ERP29: variants seen among roughly 807,000 people sequenced by gnomAD.
ERP29 encodes the protein endoplasmic reticulum resident protein 29.
Under a neutral mutation model 21.7 loss-of-function variants are expected in ERP29, and 14 were observed. The observed-to-expected ratio is 0.64, with a 90% CI of 0.43 to 1.01. ERP29 has a LOEUF of 1.01. Ranked by LOEUF, ERP29 falls within the 50% of genes least tolerant of loss-of-function variation. ERP29 has a pLI of 0.00. For missense variants in ERP29, 286 were observed against 327.3 expected (o/e 0.87, Z 0.97); for synonymous variants, 129 against 139.1 (o/e 0.93, Z 0.51).
Position 112,013,472 on chromosome 12 carries a change from G to A in ERP29, c.7G>A (p.Ala3Thr). 1.9e-6 allele frequency: 3 copies of A among 1,611,550 alleles called. No individual in the cohort carries two copies. The highest frequency in any genetic ancestry group is 2.5e-6 in the Non-Finnish European group (3 of 1,178,752). Residue 3 changes from alanine to threonine, a missense_variant, in exon 1 of 3, where the codon GCC (alanine) becomes ACC (threonine). Coordinates refer to ENST00000261735, the MANE Select transcript of ERP29 (RefSeq NM_006817.4). MAAAVPRAAFLSP... is the reference protein window; with the variant it reads MATAVPRAAFLSP... ...TCTGCAGGAACCCGGCGATATGGCTGCCGCTGTGCCCCGCGCCGCATTTCT... is the reference window on the plus strand; with the variant it reads ...TCTGCAGGAACCCGGCGATATGGCTACCGCTGTGCCCCGCGCCGCATTTCT...
At chr12:112,015,514 T>C (rs2078006336) in intron 1 of ERP29, among the ~76,000 whole-genome samples, 3 of 149,894 alleles carry the variant, frequency 2.0e-5, no homozygotes, top group Admixed American at 1.3e-4. Context: ...GGTGTAGGTG[T>C]GGCTGATTGG....
At chr12:112,017,756 T>A (rs1260696769) in intron 1 of ERP29, among the ~76,000 whole-genome samples, 1 of 151,348 alleles carries the variant, frequency 6.6e-6, no homozygotes, top group Non-Finnish European at 1.5e-5. Context: ...GGACAAAGAC[T>A]AACAAGAACA....
At chr12:112,016,393 T>A (rs141036803) in intron 1 of ERP29, among the ~76,000 whole-genome samples, 51 of 152,350 alleles carry the variant, frequency 3.3e-4, no homozygotes, top group African/African-American at 1.2e-3. Context: ...GAATGTTAGT[T>A]TCATGAGCTA....
At chr12:112,013,802 A>G (rs2077965792) in intron 1 of ERP29, among the ~76,000 whole-genome samples, 193 bp downstream of exon 1, 1 of 152,238 alleles carries the variant, frequency 6.6e-6, no homozygotes, top group Non-Finnish European at 1.5e-5. Flanking sequence ...TGCACGCTTC[A>G]GGGCCCCGGC....
At chr12:112,022,115 T>C (rs762433272) in intron 2 of ERP29, 35 bp from the exon 3 acceptor site, 2 of 1,609,590 alleles carry the variant, frequency 1.2e-6, no homozygotes, top group Non-Finnish European at 8.5e-7. Flanking sequence ...GAGTTCCTTA[T>C]GGTCTTGCTT....
rs774120135 is a variant in ERP29 at position 112,019,914 on chromosome 12, G to A, written c.283+20G>A. ...TCTCAGGTATGGACAAGTCCAGGAC[G>A]GCTGGGGGGGCAGAGAGGGAGGAAG... On this transcript the variant is annotated intron_variant, in intron 2 of 2. Transcript: ENST00000261735. 111 of 1,613,196 alleles carry A rather than the reference G, an allele frequency of 6.9e-5. No homozygotes were observed. The highest frequency in any genetic ancestry group is 8.7e-5 in the Non-Finnish European group (103 of 1,179,330).
intron 1 of ERP29, among the ~76,000 whole-genome samples, chr12:112,018,013 G>GTGATCCTTC: frequency 6.6e-6 from 1 of 151,762 alleles, no homozygotes; most frequent in East Asian, 1.9e-4. Flanking sequence ...TTCAACTCCT[G>GTGATCCTTC]ACCTCAGGTG....
At chr12:112,017,220 T>A (rs1191749416) in intron 1 of ERP29, among the ~76,000 whole-genome samples, 2 of 152,178 alleles carry the variant, frequency 1.3e-5, no homozygotes, top group Non-Finnish European at 2.9e-5. Context: ...CCAGGCACTG[T>A]TGAGCACTAG....
At chr12:112,019,540 G>T in intron 1 of ERP29, 1 of 596,950 alleles carries the variant, frequency 1.7e-6, no homozygotes, top group Non-Finnish European at 3.0e-6. Context: ...TCTTTGATTA[G>T]TGTGAACAGG....
chr12:112,018,278 T>C (rs1436726540), intron 1 of ERP29, among the ~76,000 whole-genome samples: 1 of 152,058 alleles, frequency 6.6e-6, no homozygotes, highest in African/African-American at 2.4e-5. Flanking sequence ...CTGAGTAGTT[T>C]AGCTGGGAAT....
At chr12:112,021,148 A>G (rs1162280455) in intron 2 of ERP29, among the ~76,000 whole-genome samples, 1 of 152,198 alleles carries the variant, frequency 6.6e-6, no homozygotes, top group Non-Finnish European at 1.5e-5. Context: ...GGTCCTCCCA[A>G]CAGCCCCCAT....
chr12:112,016,448 C>T (rs2078013044), intron 1 of ERP29, among the ~76,000 whole-genome samples: 1 of 152,178 alleles, frequency 6.6e-6, no homozygotes, highest in South Asian at 2.1e-4. Flanking sequence ...AGTATGGTGC[C>T]TGGCAGGCCT....
chr12:112,015,282 G>A (rs1282099049), intron 1 of ERP29: 1 of 151,240 alleles, frequency 6.6e-6, no homozygotes, highest in East Asian at 1.9e-4. Flanking sequence ...GAGGTCAGGA[G>A]TTGGAGACCA....
Position 112,022,936 on chromosome 12 carries a change from C to A in ERP29, c.*284C>A. Reference sequence around the variant, plus strand: ...GGAGAGAGGAGTGTACTGCCCAGGTCTTTGACAGATGTAATTCTCATTCAA... The same window carrying A: ...GGAGAGAGGAGTGTACTGCCCAGGTATTTGACAGATGTAATTCTCATTCAA... On this transcript the variant is annotated 3_prime_UTR_variant, in exon 3 of 3. Coordinates refer to ENST00000261735, the MANE Select transcript of ERP29 (RefSeq NM_006817.4). The A allele has an allele frequency of 2.9e-6, 1 of 343,000 alleles. No homozygotes were observed. The highest frequency in any genetic ancestry group is 5.3e-6 in the Non-Finnish European group (1 of 187,430). 21.2% of individuals were successfully genotyped at this position (343,000 alleles called of 1,614,324 possible). A position where few individuals can be genotyped will look rare whatever the true frequency, so the allele number is the denominator to read the frequency against.
At chr12:112,021,628 A>T (rs1422138531) in intron 2 of ERP29, among the ~76,000 whole-genome samples, 1 of 142,162 alleles carries the variant, frequency 7.0e-6, no homozygotes, top group Non-Finnish European at 1.5e-5. Flanking sequence ...GGTTCAAGCG[A>T]TTCTTCTGCC....
intron 1 of ERP29, among the ~76,000 whole-genome samples, chr12:112,016,093 T>C (rs1680174267): frequency 6.6e-6 from 1 of 152,154 alleles, no homozygotes; most frequent in South Asian, 2.1e-4. Context: ...TTGCCATCTT[T>C]CTCTCTCACT....
intron 2 of ERP29, among the ~76,000 whole-genome samples, chr12:112,021,021 A>G (rs1170638780): frequency 6.6e-6 from 1 of 152,256 alleles, no homozygotes; most frequent in Non-Finnish European, 1.5e-5. Context: ...CAGTTGTCAC[A>G]GCATCAGTCC....
rs555465431 is a variant in ERP29 at position 112,018,490 on chromosome 12, C to T, written c.145-1266C>T. On this transcript the variant is annotated intron_variant, in intron 1 of 2. Coordinates refer to ENST00000261735, the MANE Select transcript of ERP29 (RefSeq NM_006817.4). Reference sequence around the variant, plus strand: ...TGTGATGAAAAAACTTGATAGGGATCACTTGGATTAGGAAAACAAAAAGTT... The same window carrying T: ...TGTGATGAAAAAACTTGATAGGGATTACTTGGATTAGGAAAACAAAAAGTT... 1.9e-4 allele frequency among the ~76,000 whole-genome samples: 29 copies of T among 152,250 alleles called. No homozygotes were observed. In the South Asian group the frequency reaches 6.0e-3, roughly 31 times the overall value.
chr12:112,020,003 A>G, intron 2 of ERP29, 109 bp downstream of exon 2: 1 of 1,338,552 alleles, frequency 7.5e-7, no homozygotes. Flanking sequence ...GCCACTCTCA[A>G]GGAGTGTAAG....
Sources: allele counts gnomAD v4.1 joint callset (sites outside exome capture counted in the v4.1 genomes callset), GRCh38; gene constraint gnomAD v4.1.1; transcripts MANE v1.5; gene names NCBI Gene and HGNC (gene_info 2026-07-23, HGNC 2026-07-21).